Variants in IPMK observed in about 807,000 individuals in gnomAD.
The protein encoded by IPMK is inositol 1,3,4,6-tetrakisphosphate 5-kinase.
Under a neutral mutation model 45.8 loss-of-function variants are expected in IPMK, and 17 were observed. The ratio of observed to expected loss-of-function variants is 0.37; its 90% CI spans 0.25 to 0.56. IPMK has a LOEUF of 0.56. IPMK is among the 20% of genes least tolerant of loss of function. The probability of loss-of-function intolerance (pLI) is 0.79; values close to 1 mark genes in which losing one functional copy is unlikely to be tolerated. For synonymous variants in IPMK, 180 were observed against 184.3 expected, an observed-to-expected ratio of 0.98 and a Z score of 0.19; for missense variants, 399 against 498.0, an observed-to-expected ratio of 0.80 and a Z score of 1.89.
Position 58,244,143 on chromosome 10 carries a change from A to C in IPMK, c.191-6329T>G, listed in dbSNP as rs550340853. ...CCTCTGCCTGGCCACCCTGTCTGGG[A>C]GGTGAGGGGCGTCTCTGCCCGGCCG... On this transcript the variant is annotated intron_variant, in intron 1 of 5. Coordinates refer to ENST00000373935, the MANE Select transcript of IPMK (RefSeq NM_152230.5). 3.3e-3 allele frequency among the ~76,000 whole-genome samples: 448 copies of C among 137,680 alleles called. 2 individuals are homozygous for C. The highest frequency in any genetic ancestry group is 4.0e-3 in the Non-Finnish European group (263 of 65,032). 90.3% of individuals were successfully genotyped at this position (137,680 alleles called of 152,430 possible). A position where few individuals can be genotyped will look rare whatever the true frequency, so the allele number is the denominator to read the frequency against.
rs544109963 is a variant in IPMK at position 58,267,592 on chromosome 10, G to C, written c.20C>G (p.Ser7Cys). The C allele has an allele frequency of 1.9e-6, 3 of 1,602,388 alleles. No individual in the cohort carries two copies. The highest frequency in any genetic ancestry group is 4.5e-5 in the East Asian group (2 of 44,442). MATEPP[S>C]PLRVEAPGPP... Reference sequence around the variant, plus strand: ...GCCCGGCGCCTCGACCCGGAGGGGGGATGGTGGCTCTGTTGCCATAACGGA... The same window carrying C: ...GCCCGGCGCCTCGACCCGGAGGGGGCATGGTGGCTCTGTTGCCATAACGGA... The change falls in exon 1 of 6, where the codon TCC becomes TGC. Residue 7 changes from serine to cysteine, a missense_variant. By Grantham distance (112) the Ser-to-Cys change is moderately radical (BLOSUM62 -1). Coordinates refer to ENST00000373935, the MANE Select transcript of IPMK (RefSeq NM_152230.5).
chr10:58,239,280 A>C (rs1838662339), intron 1 of IPMK, among the ~76,000 whole-genome samples: 1 of 152,216 alleles, frequency 6.6e-6, no homozygotes, highest in East Asian at 1.9e-4. Context: ...ATAACTAAAA[A>C]TTTCTGAAGA....
chr10:58,226,602 CT>C (rs1838419455), intron 3 of IPMK, among the ~76,000 whole-genome samples: 1 of 152,122 alleles, frequency 6.6e-6, no homozygotes, highest in African/African-American at 2.4e-5. Context: ...TCATTTTATT[CT>C]CTATGAAACT....
rs1220279110 is a variant in IPMK, at chr10:58,195,965, T to C, written c.*111A>G. Reference sequence around the variant, plus strand: ...ATTCTTCCAAAAGTATAAAGACAAATAAAATGTCGACTCATAATACAAATT... The same window carrying C: ...ATTCTTCCAAAAGTATAAAGACAAACAAAATGTCGACTCATAATACAAATT... On this transcript the variant is annotated 3_prime_UTR_variant, in exon 6 of 6. Transcript: ENST00000373935. 2.0e-6 allele frequency: 2 copies of C among 1,014,438 alleles called. No homozygotes were observed. Among genetic ancestry groups the C allele is most frequent in the Non-Finnish European group, 2.9e-6 (2 of 686,472 alleles). The allele number at this position is 1,014,438 out of a possible 1,614,324, so 62.8% of individuals were successfully genotyped here.
rs1367479390 is a variant in IPMK, at chr10:58,194,772, G to A, written c.*1304C>T. ...AGAAATGTTATTAGTGAATGGAAGTGCAAGTAATGGCAGCATTAACATCAA... is the reference window on the plus strand; with the variant it reads ...AGAAATGTTATTAGTGAATGGAAGTACAAGTAATGGCAGCATTAACATCAA... On this transcript the variant is annotated 3_prime_UTR_variant, in exon 6 of 6. Coordinates refer to ENST00000373935, the MANE Select transcript of IPMK (RefSeq NM_152230.5). The A allele has an allele frequency of 1.3e-5, 2 of 151,928 alleles. No individual in the cohort carries two copies. Among genetic ancestry groups the A allele is most frequent in the Admixed American group, 6.6e-5 (1 of 15,264 alleles). The allele number at this position is 151,928 out of a possible 1,614,324, so 9.4% of individuals were successfully genotyped here.
intron 4 of IPMK, among the ~76,000 whole-genome samples, chr10:58,214,843 T>G (rs1311354163): frequency 1.3e-5 from 2 of 152,202 alleles, no homozygotes; most frequent in African/African-American, 4.8e-5. Flanking sequence ...ATTACTTTGT[T>G]TTTTCTCTTT....
chr10:58,236,106 T>C (rs1329985932), intron 2 of IPMK, among the ~76,000 whole-genome samples: 1 of 151,746 alleles, frequency 6.6e-6, no homozygotes, highest in Non-Finnish European at 1.5e-5. Flanking sequence ...ATTCTTTTTT[T>C]TTTTGGTAGA....
chr10:58,203,333 C>T (rs887696198), intron 4 of IPMK, among the ~76,000 whole-genome samples: 1 of 152,106 alleles, frequency 6.6e-6, no homozygotes, highest in African/African-American at 2.4e-5. Flanking sequence ...GATTGGCTGA[C>T]TGAGATAGGG....
chr10:58,239,286 G>C (rs888228520), intron 1 of IPMK, among the ~76,000 whole-genome samples: 1 of 152,178 alleles, frequency 6.6e-6, no homozygotes, highest in Non-Finnish European at 1.5e-5. Flanking sequence ...AAAAATTTCT[G>C]AAGAAGAATT....
chr10:58,249,570 T>C lies in IPMK; in HGVS notation c.191-11756A>G, dbSNP rs528078643. Among the ~76,000 whole-genome samples the C allele has an allele frequency of 2.0e-5, 3 of 152,346 alleles. No homozygotes were observed. In the South Asian group the frequency reaches 6.2e-4, roughly 32 times the overall value. The stretch of plus-strand genomic sequence containing the variant: ...AGTTTTAATTGGATTATTTTTGCTG[T>C]TGAGTTGGTTCTTTATACATTCTGC... On this transcript the variant is annotated intron_variant, in intron 1 of 5. Coordinates refer to ENST00000373935, the MANE Select transcript of IPMK (RefSeq NM_152230.5).
At chr10:58,223,975 T>C (rs1838376039) in intron 3 of IPMK, among the ~76,000 whole-genome samples, 1 of 152,212 alleles carries the variant, frequency 6.6e-6, no homozygotes, top group African/African-American at 2.4e-5. Flanking sequence ...CTTTTCTTTA[T>C]AAATTATCCA....
At chr10:58,244,427 C>T (rs975863569) in intron 1 of IPMK, among the ~76,000 whole-genome samples, 1 of 146,818 alleles carries the variant, frequency 6.8e-6, no homozygotes, top group Non-Finnish European at 1.5e-5. Flanking sequence ...CTCCGCCCAG[C>T]CACCCCGTCT....
Position 58,267,709 on chromosome 10 carries a change from C to G in IPMK, c.-98G>C, listed in dbSNP as rs918824198. 3 of 751,374 alleles carry G rather than the reference C, an allele frequency of 4.0e-6. No homozygotes were observed. The highest frequency in any genetic ancestry group is 6.8e-6 in the Non-Finnish European group (3 of 443,740). 46.5% of individuals were successfully genotyped at this position (751,374 alleles called of 1,614,324 possible). ...CCCGAGGGTCGCTCAGGCTCGGGCG[C>G]GAGGAGGCCCGGGGGTTCCCGCGGC... is the stretch of plus-strand genomic sequence containing the variant. On this transcript the variant is annotated 5_prime_UTR_variant, in exon 1 of 6. Coordinates refer to ENST00000373935, the MANE Select transcript of IPMK (RefSeq NM_152230.5).
At chr10:58,249,424 T>C (rs1838851008) in intron 1 of IPMK, among the ~76,000 whole-genome samples, 2 of 152,170 alleles carry the variant, frequency 1.3e-5, no homozygotes, top group Admixed American at 6.5e-5. Context: ...CATGAGATAA[T>C]ATCTCATTGT....
chr10:58,258,592 G>A (rs56083749), intron 1 of IPMK, among the ~76,000 whole-genome samples: 19,683 of 151,744 alleles, frequency 0.13, 1,281 homozygotes, highest in Middle Eastern at 0.18. Flanking sequence ...CCAAATAGTC[G>A]GAAAGTAAAC....
chr10:58,253,754 A>AAAAAAAAAAAAAAAAAAG (rs1838921566), intron 1 of IPMK, among the ~76,000 whole-genome samples: 1 of 143,418 alleles, frequency 7.0e-6, no homozygotes, highest in Non-Finnish European at 1.5e-5. Context: ...AAAAAAAGAA[A>AAAAAAAAAAAAAAAAAAG]AAAAAAGAAA....
chr10:58,229,373 G>A (rs978740893), intron 2 of IPMK, among the ~76,000 whole-genome samples: 4 of 151,876 alleles, frequency 2.6e-5, no homozygotes, highest in Non-Finnish European at 4.4e-5. Flanking sequence ...GACCAGCCTG[G>A]CCAACATGGC....
At chr10:58,202,548 G>A (rs1286833037) in intron 4 of IPMK, among the ~76,000 whole-genome samples, 13 of 152,004 alleles carry the variant, frequency 8.6e-5, no homozygotes, top group South Asian at 2.1e-4. Context: ...GCCTGTAGTC[G>A]CAGCTACTTG....
intron 3 of IPMK, among the ~76,000 whole-genome samples, chr10:58,225,290 T>C (rs1184968272): frequency 1.3e-5 from 2 of 152,164 alleles, no homozygotes; most frequent in Non-Finnish European, 2.9e-5. Flanking sequence ...TTTCTATTTG[T>C]AGAAGAAAAC....
Sources: gnomAD v4.1 joint callset for allele counts (sites outside exome capture counted in the v4.1 genomes callset) on GRCh38, gnomAD v4.1.1 for gene constraint, MANE v1.5 for transcripts, NCBI Gene and HGNC (gene_info 2026-07-23, HGNC 2026-07-21) for gene names.